CDH7: variants seen among roughly 807,000 people sequenced by gnomAD.
CDH7 encodes the protein cadherin-7.
Under a neutral mutation model 71.8 loss-of-function variants are expected in CDH7, and 25 were observed. The observed-to-expected ratio is 0.35, with a 90% CI of 0.25 to 0.49. CDH7 has a LOEUF of 0.49. Among genes scored for constraint, CDH7 ranks in the 20% least tolerant of loss-of-function variants. The probability of loss-of-function intolerance (pLI) is 0.99; values close to 1 mark genes in which losing one functional copy is unlikely to be tolerated. For missense variants in CDH7, 862 were observed against 974.6 expected, an observed-to-expected ratio of 0.88 and a Z score of 1.54; for synonymous variants, 381 against 363.8, an observed-to-expected ratio of 1.05 and a Z score of -0.54.
At chr18:65,855,893 A>G (rs1267822466) in intron 7 of CDH7, among the ~76,000 whole-genome samples, 13 of 152,200 alleles carry the variant, frequency 8.5e-5, no homozygotes, top group Admixed American at 8.5e-4. Flanking sequence ...ATGATAAAGT[A>G]GGGTTTATCC....
chr18:65,753,285 G>T (rs1165257852), intron 1 of CDH7, among the ~76,000 whole-genome samples: 1 of 152,104 alleles, frequency 6.6e-6, no homozygotes, highest in African/African-American at 2.4e-5. Flanking sequence ...TTTTTGTGTT[G>T]AGCAAATACT....
At chr18:65,793,563 C>A (rs969546538) in intron 2 of CDH7, among the ~76,000 whole-genome samples, 1 of 152,114 alleles carries the variant, frequency 6.6e-6, no homozygotes, top group African/African-American at 2.4e-5. Context: ...GTCTGTAGAT[C>A]GGATCTCAAA....
chr18:65,805,383 C>T (rs1187443953), intron 2 of CDH7, among the ~76,000 whole-genome samples: 2 of 152,104 alleles, frequency 1.3e-5, no homozygotes, highest in African/African-American at 2.4e-5. Context: ...CCATAGACTA[C>T]ACTGTGAGAT....
At position 65,884,812 on chromosome 18, in the gene CDH7, G is replaced by A. The variant is rs1914327318; in HGVS notation, c.*3918G>A. The A allele has an allele frequency of 1.3e-5, 2 of 152,278 alleles. No individual in the cohort carries two copies. Among genetic ancestry groups the A allele is most frequent in the South Asian group, 2.1e-4 (1 of 4,830 alleles). The allele number at this position is 152,278 out of a possible 1,614,324, so 9.4% of individuals were successfully genotyped here. A position where few individuals can be genotyped will look rare whatever the true frequency, so the allele number is the denominator to read the frequency against. ...AATCTTCAGATTTTCAATTTAACAT[G>A]TATTCACTTACAAACTGTTCTAATA... is the stretch of plus-strand genomic sequence containing the variant. On this transcript the variant is annotated 3_prime_UTR_variant, in exon 12 of 12. Transcript: ENST00000397968.
chr18:65,867,847 C>T (rs534215440), intron 11 of CDH7, among the ~76,000 whole-genome samples: 6 of 152,274 alleles, frequency 3.9e-5, no homozygotes, highest in Admixed American at 3.9e-4. Context: ...TTTGTAGAAA[C>T]TTGCTGTTTA....
At chr18:65,872,261 T>C (rs1316769453) in intron 11 of CDH7, among the ~76,000 whole-genome samples, 2 of 152,102 alleles carry the variant, frequency 1.3e-5, no homozygotes, top group African/African-American at 2.4e-5. Flanking sequence ...ATGTGAGTCA[T>C]TGGTAGCCTT....
In CDH7 at chr18:65,810,426, A is replaced by G. The variant is rs184363991; in HGVS notation, c.505+428A>G. On this transcript the variant is annotated intron_variant, in intron 3 of 11. Transcript: ENST00000397968. The stretch of plus-strand genomic sequence containing the variant: ...TGTTCTAAACATCTCTCTATGGCCA[A>G]TGTATCAAGAAGGCCATCAATGGCT... Among the ~76,000 whole-genome samples the G allele has an allele frequency of 1.6e-3, 240 of 152,316 alleles. 2 individuals carry two copies. Among genetic ancestry groups the G allele is most frequent in the Non-Finnish European group, 3.7e-4 (25 of 68,026 alleles).
intron 7 of CDH7, among the ~76,000 whole-genome samples, chr18:65,857,354 A>C (rs982117622): frequency 1.4e-5 from 2 of 138,876 alleles, no homozygotes; most frequent in Admixed American, 1.4e-4. Flanking sequence ...AATAATAATA[A>C]TAATAATAAA....
intron 1 of CDH7, among the ~76,000 whole-genome samples, chr18:65,755,978 A>AAAAAAC (rs572780759): frequency 2.0e-5 from 3 of 151,334 alleles, no homozygotes; most frequent in Non-Finnish European, 2.9e-5. Flanking sequence ...AAAACAAACA[A>AAAAAAC]AAAAACAAAA....
chr18:65,802,126 G>C (rs192194886), intron 2 of CDH7, among the ~76,000 whole-genome samples: 1 of 152,162 alleles, frequency 6.6e-6, no homozygotes, highest in Non-Finnish European at 1.5e-5. Flanking sequence ...GCATTCAAAA[G>C]AGTTTTCATG....
intron 11 of CDH7, among the ~76,000 whole-genome samples, chr18:65,876,160 C>T (rs1914066602): frequency 1.3e-5 from 2 of 152,120 alleles, no homozygotes; most frequent in Non-Finnish European, 2.9e-5. Flanking sequence ...AGTGTTGGAA[C>T]TGCTTATTTG....
chr18:65,862,805 C>T lies in CDH7; in HGVS notation c.1752C>T (p.Asp584=), dbSNP rs967978143. Residue 584 remains aspartate, a synonymous_variant, in exon 11 of 12, where the codon GAC becomes GAT. Transcript: ENST00000397968. ...STNTLTIRVC[D]CDADGVAQTC... ...ACACCCTCACCATCCGCGTGTGTGA[C>T]TGTGATGCTGACGGCGTAGCCCAGA... is the stretch of plus-strand genomic sequence containing the variant. The T allele has an allele frequency of 2.5e-6, 4 of 1,614,076 alleles. No homozygotes were observed. The highest frequency in any genetic ancestry group is 1.3e-5 in the African/African-American group (1 of 74,930).
chr18:65,840,202 A>G (rs1217796324), intron 6 of CDH7, among the ~76,000 whole-genome samples: 1 of 152,208 alleles, frequency 6.6e-6, no homozygotes, highest in Admixed American at 6.5e-5. Flanking sequence ...ATGACAATAA[A>G]TTTAAAGACT....
In CDH7 at chr18:65,784,388, T is replaced by C. The variant is rs553666449; in HGVS notation, c.210+21336T>C. Among the ~76,000 whole-genome samples, 11 of 152,194 alleles carry C rather than the reference T, an allele frequency of 7.2e-5. 1 individual carries two copies. The East Asian group carries it at 1.7e-3, about 24-fold the overall frequency. On this transcript the variant is annotated intron_variant, in intron 2 of 11. Coordinates refer to ENST00000397968, the MANE Select transcript of CDH7 (RefSeq NM_004361.5). ...CATTGGAAACAGCAAGAGCACAGAC[T>C]CTGAAGCAGGAGTGGCCTACTATGC...
rs145049048 is a variant in CDH7 at position 65,874,702 on chromosome 18, T to C, written c.1865-5699T>C. Among the ~76,000 whole-genome samples the C allele has an allele frequency of 1.1e-3, 174 of 151,820 alleles. 1 individual carries two copies. Among genetic ancestry groups the C allele is most frequent in the African/African-American group, 4.0e-3 (167 of 41,462 alleles). On this transcript the variant is annotated intron_variant, in intron 11 of 11. Coordinates refer to ENST00000397968, the MANE Select transcript of CDH7 (RefSeq NM_004361.5). ...AAAAAATTCAAATATGCATATTTTA[T>C]ATGTATATACTTATATATGCATATA...
intron 6 of CDH7, among the ~76,000 whole-genome samples, chr18:65,843,386 A>G (rs1912806787): frequency 6.6e-6 from 1 of 152,146 alleles, no homozygotes; most frequent in Non-Finnish European, 1.5e-5. Flanking sequence ...TAAGTCCCCC[A>G]AATCACTGAC....
At chr18:65,823,695 G>C (rs533886396) in intron 5 of CDH7, among the ~76,000 whole-genome samples, 13 of 151,954 alleles carry the variant, frequency 8.6e-5, no homozygotes, top group African/African-American at 3.1e-4. Context: ...TTGCGAACAA[G>C]TCTCAGTCTA....
Position 65,858,964 on chromosome 18 carries a change from C to G in CDH7, c.1412C>G (p.Thr471Ser), listed in dbSNP as rs777094089. The change falls in exon 9 of 12, where the codon ACT (threonine) becomes AGT (serine). Residue 471 changes from threonine (T) to serine (S), a missense_variant. By Grantham distance (58) the Thr-to-Ser change is moderately conservative. Coordinates refer to ENST00000397968, the MANE Select transcript of CDH7 (RefSeq NM_004361.5). ...GTAGGAAGAGGCTATGTGGCCATCA[C>G]TATACTTGACATCAATGATAACGCC... ...SQVGRGYVAI[T>S]ILDINDNAPE... 5 of 1,611,276 alleles carry G rather than the reference C, an allele frequency of 3.1e-6. No homozygotes were observed. The South Asian group carries it at 5.5e-5, about 18-fold the overall frequency.
intron 6 of CDH7, among the ~76,000 whole-genome samples, chr18:65,841,274 TA>T (rs1381622287): frequency 1.3e-5 from 2 of 152,136 alleles, no homozygotes; most frequent in African/African-American, 4.8e-5. Flanking sequence ...TAGATACATT[TA>T]AAAAAACAAG....
Sources: allele counts gnomAD v4.1 joint callset (sites outside exome capture counted in the v4.1 genomes callset), GRCh38; gene constraint gnomAD v4.1.1; transcripts MANE v1.5; gene names NCBI Gene and HGNC (gene_info 2026-07-23, HGNC 2026-07-21).